CDC123: variants seen among roughly 807,000 people sequenced by gnomAD.
CDC123 encodes cell division cycle 123, also known as translation initiation factor eIF2 assembly protein.
In CDC123, 37 loss-of-function variants were observed where a neutral mutation model predicts 54.4. The ratio of observed to expected loss-of-function variants is 0.68; its 90% confidence interval spans 0.52 to 0.89. CDC123 has a LOEUF of 0.89. Among genes scored for constraint, CDC123 ranks in the 40% least tolerant of loss-of-function variants. CDC123 has a pLI of 0.00. For synonymous variants in CDC123, 144 were observed against 136.8 expected (o/e 1.05, Z -0.37); for missense variants, 361 against 412.1 (o/e 0.88, Z 1.07).
At chr10:12,243,758 T>A (rs1415148999) in intron 10 of CDC123, among the ~76,000 whole-genome samples, 1 of 148,058 alleles carries the variant, frequency 6.8e-6, no homozygotes, top group Non-Finnish European at 1.5e-5. Context: ...CACTCCAGCC[T>A]GAGTGACAGA....
At chr10:12,238,044 A>C (rs191392375) in intron 9 of CDC123, among the ~76,000 whole-genome samples, 2 of 152,342 alleles carry the variant, frequency 1.3e-5, no homozygotes, top group African/African-American at 2.4e-5. Context: ...AATAAGATGA[A>C]TCATGCTTCA....
chr10:12,199,528 G>C (rs1335550360), intron 2 of CDC123, among the ~76,000 whole-genome samples: 1 of 152,026 alleles, frequency 6.6e-6, no homozygotes, highest in African/African-American at 2.4e-5. Flanking sequence ...CCAGCTCATG[G>C]AACAGTGCCT....
At chr10:12,231,389 G>A (rs1283529416) in intron 7 of CDC123, among the ~76,000 whole-genome samples, 1 of 152,080 alleles carries the variant, frequency 6.6e-6, no homozygotes, top group African/African-American at 2.4e-5. Flanking sequence ...TTGAGAGGCC[G>A]AGGTGGGTGG....
chr10:12,228,948 C>T lies in CDC123; in HGVS notation c.441-2000C>T, dbSNP rs538587658. 7.2e-5 allele frequency among the ~76,000 whole-genome samples: 11 copies of T among 152,318 alleles called. No homozygotes were observed. The South Asian group carries it at 2.3e-3, about 32-fold the overall frequency. ...CAGACTGGTCTCGAGTTCCTGAACT[C>T]AAGCAATCGGCCCGCCTCAGCCTCC... is the stretch of plus-strand genomic sequence containing the variant. On this transcript the variant is annotated intron_variant, in intron 6 of 12. Coordinates refer to ENST00000281141, the MANE Select transcript of CDC123 (RefSeq NM_006023.3).
At chr10:12,198,916 T>G (rs1564431298) in intron 2 of CDC123, 140 bp downstream of exon 2, 1 of 586,230 alleles carries the variant, frequency 1.7e-6, no homozygotes, top group East Asian at 3.0e-5. Context: ...TTGTCTCATA[T>G]TCCTTCTCAA....
chr10:12,245,997 GA>G (rs1836129814), intron 10 of CDC123, 151 bp from the exon 11 acceptor site: 1 of 703,082 alleles, frequency 1.4e-6, no homozygotes, highest in African/African-American at 1.8e-5. Context: ...TTGAGCCCAG[GA>G]GGTCGAGGCT....
intron 6 of CDC123, among the ~76,000 whole-genome samples, chr10:12,220,204 T>C (rs1835717841): frequency 6.6e-6 from 1 of 152,222 alleles, no homozygotes; most frequent in Non-Finnish European, 1.5e-5. Context: ...TTTCCAGAAC[T>C]AACTATAAAT....
intron 8 of CDC123, among the ~76,000 whole-genome samples, chr10:12,236,037 C>T (rs1340588465): frequency 2.0e-5 from 3 of 152,180 alleles, no homozygotes; most frequent in Non-Finnish European, 4.4e-5. Flanking sequence ...TGAACGAGAG[C>T]AGGCTGTGAA....
At chr10:12,231,035 T>C in intron 7 of CDC123, 39 bp downstream of exon 7, 1 of 1,531,704 alleles carries the variant, frequency 6.5e-7, no homozygotes, top group Non-Finnish European at 9.0e-7. Context: ...TAGATGAAGA[T>C]GTGTTGAGAA....
rs80051222 is a variant in CDC123 at position 12,217,570 on chromosome 10, C to T, written c.440+103C>T. 5.3e-3 allele frequency: 6,055 copies of T among 1,151,734 alleles called. 242 individuals carry two copies. In the African/African-American group the frequency reaches 0.086, roughly 16 times the overall value. The allele number at this position is 1,151,734 out of a possible 1,614,324, so 71.3% of individuals were successfully genotyped here. On this transcript the variant is annotated intron_variant, in intron 6 of 12. Transcript: ENST00000281141. ...ATAGTACTATTATAAATCATAGCTC[C>T]ATATAACAAAGCTATTTCATATTGC...
chr10:12,201,084 T>G (rs4255450), intron 2 of CDC123, among the ~76,000 whole-genome samples: 125,841 of 152,206 alleles, frequency 0.83, 52,578 homozygotes, highest in East Asian at 0.95. Context: ...GTCAGATTGC[T>G]TAATTTTAAG....
intron 4 of CDC123, among the ~76,000 whole-genome samples, chr10:12,213,872 C>CA (rs2131739236): frequency 6.6e-6 from 1 of 152,224 alleles, no homozygotes; most frequent in Non-Finnish European, 1.5e-5. Context: ...GGAGAAAAGA[C>CA]AATTGGACCT....
At chr10:12,225,359 C>T (rs778032320) in intron 6 of CDC123, among the ~76,000 whole-genome samples, 8 of 152,048 alleles carry the variant, frequency 5.3e-5, no homozygotes, top group Admixed American at 1.3e-4. Flanking sequence ...CGTGCCACTG[C>T]GCTCCAGCCT....
chr10:12,214,128 G>C (rs74118724), intron 4 of CDC123, among the ~76,000 whole-genome samples: 4,349 of 152,186 alleles, frequency 0.029, 209 homozygotes, highest in African/African-American at 0.1. Context: ...TTGAGGATTT[G>C]AGGGGACTGA....
At chr10:12,229,089 C>G (rs898558048) in intron 6 of CDC123, among the ~76,000 whole-genome samples, 3 of 152,248 alleles carry the variant, frequency 2.0e-5, no homozygotes, top group Non-Finnish European at 4.4e-5. Context: ...TGTCCACTCC[C>G]ATTCCCTTAG....
intron 6 of CDC123, among the ~76,000 whole-genome samples, chr10:12,226,863 G>T (rs2131749493): frequency 6.6e-6 from 1 of 152,306 alleles, no homozygotes; most frequent in East Asian, 1.9e-4. Flanking sequence ...TGGCGGCTGG[G>T]CAGAGGCTGC....
chr10:12,235,653 A>AT (rs1835969525), intron 8 of CDC123, among the ~76,000 whole-genome samples: 1 of 152,106 alleles, frequency 6.6e-6, no homozygotes, highest in Non-Finnish European at 1.5e-5. Context: ...TTTGTTCTTT[A>AT]TTTTGTTAAT....
In CDC123 at chr10:12,198,577, A is replaced by G. The variant is rs1175158516; in HGVS notation, c.75-128A>G. ...TTTCTTGTCTACTGCTACCAAATGT[A>G]CATCATTAACATTTTCTACTTTATA... is the stretch of plus-strand genomic sequence containing the variant. On this transcript the variant is annotated intron_variant, in intron 1 of 12. Coordinates refer to ENST00000281141, the MANE Select transcript of CDC123 (RefSeq NM_006023.3). The G allele has an allele frequency of 9.2e-6, 6 of 655,162 alleles. No homozygotes were observed. In the Admixed American group the frequency reaches 1.5e-4, roughly 16 times the overall value. The allele number at this position is 655,162 out of a possible 1,614,324, so 40.6% of individuals were successfully genotyped here.
intron 6 of CDC123, among the ~76,000 whole-genome samples, chr10:12,219,774 T>C (rs1261437970): frequency 2.0e-5 from 3 of 150,978 alleles, no homozygotes; most frequent in African/African-American, 7.3e-5. Flanking sequence ...AACCTCCGCC[T>C]CCTGGGTTGA....
Sources: allele counts gnomAD v4.1 joint callset (sites outside exome capture counted in the v4.1 genomes callset), GRCh38; gene constraint gnomAD v4.1.1; transcripts MANE v1.5; gene names NCBI Gene and HGNC (gene_info 2026-07-23, HGNC 2026-07-21).